Variants in EPS8 observed in about 807,000 individuals in gnomAD.
EPS8 encodes EGFR pathway substrate 8, signaling adaptor.
In EPS8, 42 loss-of-function variants were observed where a neutral mutation model predicts 103.8. The ratio of observed to expected loss-of-function variants is 0.40; its 90% CI spans 0.32 to 0.52. The LOEUF is 0.52. Ranked by LOEUF, EPS8 falls within the 20% of genes least tolerant of loss-of-function variation. EPS8 has a pLI of 0.40. For synonymous variants in EPS8, 344 were observed against 344.6 expected, an observed-to-expected ratio of 1.00 and a Z score of 0.02; for missense variants, 969 against 1,005.1, an observed-to-expected ratio of 0.96 and a Z score of 0.49.
intron 1 of EPS8, among the ~76,000 whole-genome samples, chr12:15,715,466 C>T (rs1175446732): frequency 7.3e-6 from 1 of 136,828 alleles, no homozygotes; most frequent in Admixed American, 8.6e-5. Context: ...ACAATCTTGG[C>T]TCACTGCAGC....
In EPS8 at chr12:15,748,497, T is replaced by G. The variant is rs955422678; in HGVS notation, c.-22+40664A>C. On this transcript the variant is annotated intron_variant, in intron 1 of 20. Transcript: ENST00000281172. The surrounding 1 kb of genome is among the most constrained non-coding windows in gnomAD (Gnocchi z 4.8). ...GACACACAAAACTCTACAGAAACAA[T>G]TTCAGTGAATTAAGTGTCTGAATAC... Among the ~76,000 whole-genome samples, 22 of 152,228 alleles carry G rather than the reference T, an allele frequency of 1.4e-4. No homozygotes were observed. Among genetic ancestry groups the G allele is most frequent in the African/African-American group, 5.3e-4 (22 of 41,524 alleles).
At chr12:15,670,976 A>G (rs1291144399) in intron 3 of EPS8, 53 bp from the exon 4 acceptor site, 2 of 1,298,234 alleles carry the variant, frequency 1.5e-6, no homozygotes, top group Non-Finnish European at 2.2e-6. Context: ...ACTGAAGTTC[A>G]TATGTTGGTA....
chr12:15,630,255 C>G (rs1945022516), intron 18 of EPS8, among the ~76,000 whole-genome samples: 1 of 151,588 alleles, frequency 6.6e-6, no homozygotes, highest in East Asian at 1.9e-4. Flanking sequence ...ATACTTTTGT[C>G]ATATTGGGGA....
At chr12:15,641,946 T>C in intron 15 of EPS8, 116 bp from the exon 16 acceptor site, 2 of 451,850 alleles carry the variant, frequency 4.4e-6, no homozygotes, top group Non-Finnish European at 7.7e-6. Flanking sequence ...ATTACAGCAG[T>C]TTCATTTTAT....
chr12:15,755,292 A>G (rs949072214), intron 1 of EPS8, among the ~76,000 whole-genome samples: 3 of 152,216 alleles, frequency 2.0e-5, no homozygotes, highest in African/African-American at 7.2e-5. Flanking sequence ...TTTTCTTGAC[A>G]TGAAATCTTA....
chr12:15,665,082 T>C (rs766347507), intron 8 of EPS8: 1 of 152,232 alleles, frequency 6.6e-6, no homozygotes, highest in African/African-American at 2.4e-5. Flanking sequence ...TCCATGAATA[T>C]GACAAACTTG....
intron 3 of EPS8, among the ~76,000 whole-genome samples, chr12:15,680,556 A>G (rs1477739291): frequency 6.6e-6 from 1 of 152,200 alleles, no homozygotes. Flanking sequence ...GTCTGGTTCC[A>G]GAGTCTTTGC....
rs911829522 is a variant in EPS8 at position 15,721,539 on chromosome 12, C to G, written c.-21-38567G>C. ...ATAGATAAAAAATTTCATCTCCAAA[C>G]CCCCAGGCAGCTCTCCAGTTAGAAG... On this transcript the variant is annotated intron_variant, in intron 1 of 20. Coordinates refer to ENST00000281172, the MANE Select transcript of EPS8 (RefSeq NM_004447.6). The surrounding 1 kb of genome is among the most constrained non-coding windows in gnomAD (Gnocchi z 4.4). Among the ~76,000 whole-genome samples, 1 of 152,126 alleles carries G rather than the reference C, an allele frequency of 6.6e-6. No individual in the cohort carries two copies. The highest frequency in any genetic ancestry group is 1.9e-4 in the East Asian group (1 of 5,186).
At chr12:15,685,515 T>C (rs1051491774) in intron 1 of EPS8, among the ~76,000 whole-genome samples, 1 of 152,238 alleles carries the variant, frequency 6.6e-6, no homozygotes, top group Non-Finnish European at 1.5e-5. Flanking sequence ...CATCTTTTCA[T>C]GTTTAATTCT....
intron 1 of EPS8, among the ~76,000 whole-genome samples, chr12:15,756,691 C>T (rs1033141610): frequency 6.6e-6 from 1 of 152,132 alleles, no homozygotes; most frequent in African/African-American, 2.4e-5. Flanking sequence ...ACAGCCTTCA[C>T]TTCACAGACA....
rs1360996044 is a variant in EPS8 at position 15,713,936 on chromosome 12, T to TA, written c.-21-30965dup. 6.6e-6 allele frequency among the ~76,000 whole-genome samples: 1 copy of TA among 152,060 alleles called. No individual in the cohort carries two copies. The highest frequency in any genetic ancestry group is 1.5e-5 in the Non-Finnish European group (1 of 68,014). ...CTTATTTGTATGAGAATCTCCTAGG[T>TA]AAAAAAATTAAGAATCTCCAATCTA... On this transcript the variant is annotated intron_variant, in intron 1 of 20. Transcript: ENST00000281172. This position sits in a 1 kb window ranked among gnomAD's most constrained non-coding sequence, Gnocchi z 4.8.
intron 8 of EPS8, chr12:15,665,023 C>A (rs758313714): frequency 6.6e-6 from 1 of 152,200 alleles, no homozygotes; most frequent in Non-Finnish European, 1.5e-5. Context: ...TGATGGATAC[C>A]TTTTACCCTT....
At chr12:15,715,270 T>C (rs1946517123) in intron 1 of EPS8, among the ~76,000 whole-genome samples, 2 of 152,028 alleles carry the variant, frequency 1.3e-5, no homozygotes, top group African/African-American at 2.4e-5. Flanking sequence ...CCCCACAGGG[T>C]CAGATTTTAT....
chr12:15,677,471 T>C (rs1203216326), intron 3 of EPS8, among the ~76,000 whole-genome samples: 2 of 152,144 alleles, frequency 1.3e-5, no homozygotes, highest in Non-Finnish European at 2.9e-5. Flanking sequence ...ATCTAGACTG[T>C]GGTCAGTGCG....
rs778043464 is a variant in EPS8 at position 15,641,735 on chromosome 12, T to C, written c.1664A>G (p.Asp555Gly). 7 of 1,540,288 alleles carry C rather than the reference T, an allele frequency of 4.5e-6. No homozygotes were observed. The Admixed American group carries it at 1.4e-4, about 30-fold the overall frequency. ...AAATTATATTACCTCTAAAATATCATCCTTTAGAACCGAGAGCTCACTGTT... is the reference window on the plus strand; with the variant it reads ...AAATTATATTACCTCTAAAATATCACCCTTTAGAACCGAGAGCTCACTGTT... Reference protein sequence around the residue: ...RNNSELSVLKDDILEILDDRK... With the variant: ...RNNSELSVLKGDILEILDDRK... The change falls in exon 16 of 21, where the codon GAT becomes GGT. Residue 555 changes from aspartate (D) to glycine (G), a missense_variant. By Grantham distance (94) the Asp-to-Gly change is moderately conservative (BLOSUM62 -1). Coordinates refer to ENST00000281172, the MANE Select transcript of EPS8 (RefSeq NM_004447.6).
Position 15,654,196 on chromosome 12 carries a change from C to G in EPS8, c.1199G>C (p.Gly400Ala), listed in dbSNP as rs1046453549. Reference sequence around the variant, plus strand: ...TGACATCCACAGCTGCCGTTCATCACCATTGACAGTATAATTTAAGAAATC... The same window carrying G: ...TGACATCCACAGCTGCCGTTCATCAGCATTGACAGTATAATTTAAGAAATC... Reference protein sequence around the residue: ...TIDFLNYTVNGDERQLWMSLG... With the variant: ...TIDFLNYTVNADERQLWMSLG... Residue 400 changes from glycine (G) to alanine (A), a missense_variant, in exon 13 of 21, where the codon GGT (glycine) becomes GCT (alanine). By Grantham distance (60) the Gly-to-Ala change is moderately conservative. Coordinates refer to ENST00000281172, the MANE Select transcript of EPS8 (RefSeq NM_004447.6). The G allele has an allele frequency of 6.2e-7, 1 of 1,613,840 alleles. No homozygotes were observed. The highest frequency in any genetic ancestry group is 1.7e-5 in the Admixed American group (1 of 59,984).
intron 12 of EPS8, chr12:15,657,856 C>A: frequency 2.1e-6 from 1 of 480,114 alleles, no homozygotes; most frequent in Non-Finnish European, 3.7e-6. Flanking sequence ...CTAGCACTGT[C>A]AGAGATACCA....
rs7962402 is a variant in EPS8 at position 15,772,627 on chromosome 12, A to G, written c.-22+16534T>C. 0.014 allele frequency among the ~76,000 whole-genome samples: 2,171 copies of G among 152,294 alleles called. 59 individuals carry two copies. Among genetic ancestry groups the G allele is most frequent in the African/African-American group, 0.05 (2,058 of 41,548 alleles). On this transcript the variant is annotated intron_variant, in intron 1 of 20. Coordinates refer to ENST00000281172, the MANE Select transcript of EPS8 (RefSeq NM_004447.6). The surrounding 1 kb of genome is among the most constrained non-coding windows in gnomAD (Gnocchi z 5.0). Reference sequence around the variant, plus strand: ...GTGCTAGAACTTACTTGAGAGTTTCACTTAGGAAGAATTTTGGATACCTAT... The same window carrying G: ...GTGCTAGAACTTACTTGAGAGTTTCGCTTAGGAAGAATTTTGGATACCTAT...
At chr12:15,626,906 T>C (rs1484562152) in intron 18 of EPS8, among the ~76,000 whole-genome samples, 2 of 152,130 alleles carry the variant, frequency 1.3e-5, no homozygotes, top group African/African-American at 2.4e-5. Flanking sequence ...CCCTGATGTA[T>C]ATAAAACTGC....
Sources: allele counts gnomAD v4.1 joint callset (sites outside exome capture counted in the v4.1 genomes callset), GRCh38; gene constraint gnomAD v4.1.1; non-coding constraint Gnocchi (gnomAD v3.1); transcripts MANE v1.5; gene names NCBI Gene and HGNC (gene_info 2026-07-23, HGNC 2026-07-21).